Variants in LHX5 observed in about 807,000 individuals in gnomAD.
LHX5 encodes the protein LIM homeobox 5, also known as LIM/homeobox protein Lhx5.
LHX5 carries 5 observed loss-of-function variants against 30.6 expected under a neutral mutation model. That is an observed-to-expected ratio of 0.16 (90% confidence interval 0.09 to 0.34). The LOEUF (loss-of-function observed/expected upper bound fraction) is 0.34, where lower values mean the gene tolerates loss of function less well. LHX5 is among the 10% of genes least tolerant of loss of function. The pLI is 1.00. For missense variants in LHX5, 458 were observed against 570.6 expected, an observed-to-expected ratio of 0.80 and a Z score of 2.01; for synonymous variants, 266 against 252.6, an observed-to-expected ratio of 1.05 and a Z score of -0.50.
rs1190534632 is a variant in LHX5 at position 113,462,119 on chromosome 12, A to T, written c.*1071T>A. The T allele has an allele frequency of 6.6e-6, 1 of 151,908 alleles. No individual in the cohort carries two copies. Among genetic ancestry groups the T allele is most frequent in the Admixed American group, 6.6e-5 (1 of 15,258 alleles). 9.4% of individuals were successfully genotyped at this position (151,908 alleles called of 1,614,324 possible). On this transcript the variant is annotated 3_prime_UTR_variant, in exon 5 of 5. Coordinates refer to ENST00000261731, the MANE Select transcript of LHX5 (RefSeq NM_022363.3). The stretch of plus-strand genomic sequence containing the variant: ...TTTTGTTTTTTGTTTTTTTTAGGTA[A>T]ACCTCTTTCTGCTTCCCCTCCGTCA...
At position 113,462,378 on chromosome 12, in the gene LHX5, C is replaced by T. The variant is rs1958178918; in HGVS notation, c.*812G>A. On this transcript the variant is annotated 3_prime_UTR_variant, in exon 5 of 5. Transcript: ENST00000261731. ...GGGTCTGAGCCCAGCAATCCTGGCG[C>T]CCCACCCAGGGGGAGAGCAGGATGT... 6.6e-6 allele frequency: 1 copy of T among 152,242 alleles called. No homozygotes were observed. Among genetic ancestry groups the T allele is most frequent in the South Asian group, 2.1e-4 (1 of 4,828 alleles). The allele number at this position is 152,242 out of a possible 1,614,324, so 9.4% of individuals were successfully genotyped here.
chr12:113,468,486 G>C lies in LHX5; in HGVS notation c.398-82C>G. The C allele has an allele frequency of 2.1e-6, 3 of 1,458,126 alleles. No homozygotes were observed. In the South Asian group the frequency reaches 4.0e-5, roughly 20 times the overall value. The allele number at this position is 1,458,126 out of a possible 1,614,324, so 90.3% of individuals were successfully genotyped here. A position where few individuals can be genotyped will look rare whatever the true frequency, so the allele number is the denominator to read the frequency against. On this transcript the variant is annotated intron_variant, in intron 2 of 4. Coordinates refer to ENST00000261731, the MANE Select transcript of LHX5 (RefSeq NM_022363.3). Reference sequence around the variant, plus strand: ...TTCAGTCCAGTGGCGGGTTCCCGCCGGCCCAAGCTACGGCCTGCCCAGGCT... The same window carrying C: ...TTCAGTCCAGTGGCGGGTTCCCGCCCGCCCAAGCTACGGCCTGCCCAGGCT...
intron 1 of LHX5, among the ~76,000 whole-genome samples, chr12:113,469,920 T>C (rs1395604474): frequency 6.6e-6 from 1 of 152,172 alleles, no homozygotes; most frequent in Non-Finnish European, 1.5e-5. Context: ...GGCTTTCCAA[T>C]CCACCGCTCT....
intron 1 of LHX5, 34 bp from the exon 2 acceptor site, chr12:113,469,379 G>C: frequency 6.3e-7 from 1 of 1,587,870 alleles, no homozygotes; most frequent in South Asian, 1.1e-5. Flanking sequence ...CTATGGGGTG[G>C]GACTGCATCC....
rs538546431 is a variant in LHX5, at chr12:113,468,220, C to A, written c.582G>T (p.Thr194=). ...RTTIKAKQLE[T]LKAAFAATPK... ...GCGTGGCGGCGAAGGCAGCCTTGAG[C>A]GTCTCCAGCTGCTTGGCCTTGATGG... Residue 194 remains threonine (T), a synonymous_variant, in exon 3 of 5, where the codon ACG becomes ACT. Coordinates refer to ENST00000261731, the MANE Select transcript of LHX5 (RefSeq NM_022363.3). 2 of 1,613,798 alleles carry A rather than the reference C, an allele frequency of 1.2e-6. No homozygotes were observed. Among genetic ancestry groups the A allele is most frequent in the Non-Finnish European group, 1.7e-6 (2 of 1,179,924 alleles).
chr12:113,463,349 T>G lies in LHX5; in HGVS notation c.1050A>C (p.Thr350=). The G allele has an allele frequency of 6.5e-7, 1 of 1,544,928 alleles. No individual in the cohort carries two copies. Among genetic ancestry groups the G allele is most frequent in the East Asian group, 2.5e-5 (1 of 40,056 alleles). ...CCGGCAGGCCTGGCTCGGGGCTCGG[T>G]GTGTCCGGGTGCGAGATCATGTCGG... The part of the protein sequence containing the change: ...RFTDMISHPD[T]PSPEPGLPGT... The change falls in exon 5 of 5, where the codon ACA becomes ACC. Residue 350 remains threonine (T), a synonymous_variant. Coordinates refer to ENST00000261731, the MANE Select transcript of LHX5 (RefSeq NM_022363.3). This position sits in a 1 kb window ranked among gnomAD's most constrained non-coding sequence, Gnocchi z 6.7.
At position 113,463,255 on chromosome 12, in the gene LHX5, T is replaced by G. The variant is rs573342618; in HGVS notation, c.1144A>C (p.Thr382Pro). ...GACAGGGGTCCGCTGTAGCCGCTGGTGCCGCTCATTGGGAAGGGCGGGCTG... is the reference window on the plus strand; with the variant it reads ...GACAGGGGTCCGCTGTAGCCGCTGGGGCCGCTCATTGGGAAGGGCGGGCTG... The part of the protein sequence containing the change: ...GPSPPFPMSG[T>P]SGYSGPLSHP... The change falls in exon 5 of 5, where the codon ACC becomes CCC. Residue 382 changes from threonine (T) to proline (P), a missense_variant. This residue lies in a region of LHX5 where 255 missense variants were observed against 246.8 expected (regional missense o/e 1.03). Coordinates refer to ENST00000261731, the MANE Select transcript of LHX5 (RefSeq NM_022363.3). The surrounding 1 kb of genome is among the most constrained non-coding windows in gnomAD (Gnocchi z 6.7). The G allele has an allele frequency of 6.6e-7, 1 of 1,525,208 alleles. No individual in the cohort carries two copies. The allele number at this position is 1,525,208 out of a possible 1,614,324, so 94.5% of individuals were successfully genotyped here. A position where few individuals can be genotyped will look rare whatever the true frequency, so the allele number is the denominator to read the frequency against.
rs1958190311 is a variant in LHX5, at chr12:113,463,412, C to A, written c.987G>T (p.Pro329=). ...TGTCCGCGGCGTGCGGGCCGGCGAGCGGCGGTTCCAGCGCTCCCAGCGGCG... is the reference window on the plus strand; with the variant it reads ...TGTCCGCGGCGTGCGGGCCGGCGAGAGGCGGTTCCAGCGCTCCCAGCGGCG... ...GSTPLGALEP[P]LAGPHAADNP... The change falls in exon 5 of 5, where the codon CCG becomes CCT. Residue 329 remains proline, a synonymous_variant. Transcript: ENST00000261731. The surrounding 1 kb of genome is among the most constrained non-coding windows in gnomAD (Gnocchi z 6.7). The A allele has an allele frequency of 2.6e-6, 4 of 1,553,592 alleles. No individual in the cohort carries two copies. Among genetic ancestry groups the A allele is most frequent in the Non-Finnish European group, 3.5e-6 (4 of 1,151,184 alleles).
rs1958227677 is a variant in LHX5, at chr12:113,468,409, G to A, written c.398-5C>T. The A allele has an allele frequency of 1.2e-6, 2 of 1,603,574 alleles. No homozygotes were observed. Among genetic ancestry groups the A allele is most frequent in the East Asian group, 2.2e-5 (1 of 44,586 alleles). On this transcript the variant is annotated splice_polypyrimidine_tract_variant and splice_region_variant and intron_variant, in intron 2 of 4. Coordinates refer to ENST00000261731, the MANE Select transcript of LHX5 (RefSeq NM_022363.3). ...TGCGGTCCGTACAGGATGACACTGC[G>A]GGCGGACGGATCGGGAAGGGGACAG...
rs1018947118 is a variant in LHX5 at position 113,466,365 on chromosome 12, G to A, written c.841+891C>T. Among the ~76,000 whole-genome samples, 2 of 152,224 alleles carry A rather than the reference G, an allele frequency of 1.3e-5. No homozygotes were observed. The highest frequency in any genetic ancestry group is 2.9e-5 in the Non-Finnish European group (2 of 68,036). ...GAAAAAATCGGATAGGGGGAGTTGG[G>A]ATGGCTCACCAATCCAGTGTGAGGG... On this transcript the variant is annotated intron_variant, in intron 4 of 4. Coordinates refer to ENST00000261731, the MANE Select transcript of LHX5 (RefSeq NM_022363.3). The surrounding 1 kb of genome is among the most constrained non-coding windows in gnomAD (Gnocchi z 6.5).
rs1286075420 is a variant in LHX5, at chr12:113,470,579, G to A, written c.173+747C>T. Among the ~76,000 whole-genome samples the A allele has an allele frequency of 4.6e-5, 7 of 152,212 alleles. No homozygotes were observed. In the East Asian group the frequency reaches 1.4e-3, roughly 29 times the overall value. ...CGGGGAATTCCTGTTCACAAAGCCG[G>A]CTCTGGGTGCCCAGAGGAAACAGGT... is the stretch of plus-strand genomic sequence containing the variant. On this transcript the variant is annotated intron_variant, in intron 1 of 4. Transcript: ENST00000261731.
rs369092360 is a variant in LHX5, at chr12:113,465,854, G to A, written c.841+1402C>T. 2.6e-5 allele frequency among the ~76,000 whole-genome samples: 4 copies of A among 152,088 alleles called. No homozygotes were observed. The highest frequency in any genetic ancestry group is 9.6e-5 in the African/African-American group (4 of 41,494). ...ACCATCCGGGCTCTCCAGGGTTGGGGGTCTGTCCGGGGTTGGGGGTCTGTC... is the reference window on the plus strand; with the variant it reads ...ACCATCCGGGCTCTCCAGGGTTGGGAGTCTGTCCGGGGTTGGGGGTCTGTC... On this transcript the variant is annotated intron_variant, in intron 4 of 4. Transcript: ENST00000261731. The surrounding 1 kb of genome is among the most constrained non-coding windows in gnomAD (Gnocchi z 6.7).
chr12:113,462,389 G>C lies in LHX5; in HGVS notation c.*801C>G, dbSNP rs1478706169. 2.0e-5 allele frequency: 3 copies of C among 152,238 alleles called. No homozygotes were observed. The highest frequency in any genetic ancestry group is 7.2e-5 in the African/African-American group (3 of 41,464). 9.4% of individuals were successfully genotyped at this position (152,238 alleles called of 1,614,324 possible). A position where few individuals can be genotyped will look rare whatever the true frequency, so the allele number is the denominator to read the frequency against. On this transcript the variant is annotated 3_prime_UTR_variant, in exon 5 of 5. Coordinates refer to ENST00000261731, the MANE Select transcript of LHX5 (RefSeq NM_022363.3). ...CAGCAATCCTGGCGCCCCACCCAGG[G>C]GGAGAGCAGGATGTGTGCGTGTTCG... is the stretch of plus-strand genomic sequence containing the variant.
chr12:113,465,890 GGGCTGTCCAGGGTTGGGC>G lies in LHX5; in HGVS notation c.841+1348_841+1365del, dbSNP rs1385977463. 6.6e-6 allele frequency among the ~76,000 whole-genome samples: 1 copy of G among 151,842 alleles called. No homozygotes were observed. The highest frequency in any genetic ancestry group is 1.5e-5 in the Non-Finnish European group (1 of 67,816). ...GGTTGGGGGTCTGTCCAGGGTTGGG[GGGCTGTCCAGGGTTGGGC>G]GGCTGGGGCGCTCCAGCCTGAGCCC... On this transcript the variant is annotated intron_variant, in intron 4 of 4. Coordinates refer to ENST00000261731, the MANE Select transcript of LHX5 (RefSeq NM_022363.3). This position sits in a 1 kb window ranked among gnomAD's most constrained non-coding sequence, Gnocchi z 6.7.
rs921903940 is a variant in LHX5, at chr12:113,464,771, A to G, written c.842-1214T>C. ...AGCTATGGGCTCTCTCTCAAGGAAA[A>G]TGCAAGGATGAGAATTTTGCCCATA... is the stretch of plus-strand genomic sequence containing the variant. On this transcript the variant is annotated intron_variant, in intron 4 of 4. Transcript: ENST00000261731. The surrounding 1 kb of genome is among the most constrained non-coding windows in gnomAD (Gnocchi z 6.2). Among the ~76,000 whole-genome samples, 2 of 152,154 alleles carry G rather than the reference A, an allele frequency of 1.3e-5. No homozygotes were observed. Among genetic ancestry groups the G allele is most frequent in the African/African-American group, 4.8e-5 (2 of 41,418 alleles).
Position 113,471,358 on chromosome 12 carries a change from C to T in LHX5, c.141G>A (p.Glu47=), listed in dbSNP as rs200072402. ...TNLSEKCFSR[E]GKLYCKNDFF... is the part of the protein sequence containing the mutation. ...AGTCATTTTTGCAGTAGAGCTTGCC[C>T]TCGCGCGAGAAGCACTTCTCCGAGA... is the stretch of plus-strand genomic sequence containing the variant. Residue 47 remains glutamate, a synonymous_variant, in exon 1 of 5, where the codon GAG becomes GAA. Transcript: ENST00000261731. 1.4e-5 allele frequency: 23 copies of T among 1,614,056 alleles called. 1 individual carries two copies. In the Admixed American group the frequency reaches 3.8e-4, roughly 27 times the overall value.
At chr12:113,470,994 G>T (rs770170686) in intron 1 of LHX5, among the ~76,000 whole-genome samples, 1 of 152,202 alleles carries the variant, frequency 6.6e-6, no homozygotes, top group Non-Finnish European at 1.5e-5. Flanking sequence ...TCGGGACGGG[G>T]CTTGAAGCTT....
rs1958197423 is a variant in LHX5, at chr12:113,464,186, A to C, written c.842-629T>G. 6.6e-6 allele frequency among the ~76,000 whole-genome samples: 1 copy of C among 152,226 alleles called. No individual in the cohort carries two copies. On this transcript the variant is annotated intron_variant, in intron 4 of 4. Transcript: ENST00000261731. The surrounding 1 kb of genome is among the most constrained non-coding windows in gnomAD (Gnocchi z 6.2). The stretch of plus-strand genomic sequence containing the variant: ...CCCCGGGGGCGGCAGCGAGGGAGTC[A>C]GGAGTGAGCCCGAAGATGGAGAGAA...
chr12:113,467,306 C>T lies in LHX5; in HGVS notation c.791G>A (p.Arg264His). The change falls in exon 4 of 5, where the codon CGC becomes CAC. Residue 264 changes from arginine (R) to histidine (H), a missense_variant. Transcript: ENST00000261731. The surrounding 1 kb of genome is among the most constrained non-coding windows in gnomAD (Gnocchi z 6.3). ...CCCCAACATCTCAGACTCGTCCAAG[C>T]GGCCGCCCAGCGGACGCATGCGCCG... is the stretch of plus-strand genomic sequence containing the variant. ...SPRRMRPLGG[R>H]LDESEMLGST... The T allele has an allele frequency of 6.4e-7, 1 of 1,561,112 alleles. No individual in the cohort carries two copies. Among genetic ancestry groups the T allele is most frequent in the Admixed American group, 1.9e-5 (1 of 53,840 alleles).
Sources: gnomAD v4.1 joint callset for allele counts (sites outside exome capture counted in the v4.1 genomes callset) on GRCh38, gnomAD v4.1.1 for gene constraint, gnomAD v4.1.1 regional missense constraint, Gnocchi (gnomAD v3.1) non-coding constraint, MANE v1.5 for transcripts, NCBI Gene and HGNC (gene_info 2026-07-23, HGNC 2026-07-21) for gene names.